Variants in PLCH2 observed in about 807,000 individuals in gnomAD.
PLCH2 encodes the protein 1-phosphatidylinositol 4,5-bisphosphate phosphodiesterase eta-2.
A neutral mutation model predicts 134.7 loss-of-function variants in PLCH2; 98 were observed. The ratio of observed to expected loss-of-function variants is 0.73; its 90% CI spans 0.62 to 0.86. The LOEUF (loss-of-function observed/expected upper bound fraction) is 0.86. PLCH2 is among the 40% of genes least tolerant of loss of function. The pLI is 0.00. For synonymous variants in PLCH2, 974 were observed against 827.5 expected, an observed-to-expected ratio of 1.18 and a Z score of -3.04; for missense variants, 1,994 against 1,986.6, an observed-to-expected ratio of 1.00 and a Z score of -0.07.
chr1:2,480,457 G>A, intron 4 of PLCH2, 145 bp downstream of exon 4: 1 of 943,208 alleles, frequency 1.1e-6, no homozygotes, highest in Non-Finnish European at 1.6e-6. Context: ...TGGCTGCTGA[G>A]GATGGGGCTG....
At position 2,482,682 on chromosome 1, in the gene PLCH2, G is replaced by C. The variant is rs548033152; in HGVS notation, c.646-1766G>C. Among the ~76,000 whole-genome samples the C allele has an allele frequency of 4.6e-5, 7 of 152,250 alleles. 1 individual carries two copies. The East Asian group carries it at 1.2e-3, about 25-fold the overall frequency. On this transcript the variant is annotated intron_variant, in intron 4 of 21. Coordinates refer to ENST00000378486, the MANE Select transcript of PLCH2 (RefSeq NM_014638.4). ...AGGGGCTGATGGGGCCACCTGACTG[G>C]TGACTCCCCTGGCTCAGAGGGGATC...
intron 9 of PLCH2, 120 bp downstream of exon 9, chr1:2,489,498 G>C: frequency 1.9e-6 from 2 of 1,047,544 alleles, no homozygotes; most frequent in Non-Finnish European, 2.8e-6. Context: ...GGGGCTGAGG[G>C]CTGGCCACGC....
chr1:2,447,412 G>C (rs940043757), intron 2 of PLCH2, among the ~76,000 whole-genome samples: 1 of 152,126 alleles, frequency 6.6e-6, no homozygotes, highest in Non-Finnish European at 1.5e-5. Flanking sequence ...CCTTCTCAGG[G>C]CTCCCCCTCC....
chr1:2,460,006 G>C (rs1640735049), intron 2 of PLCH2, among the ~76,000 whole-genome samples: 1 of 152,184 alleles, frequency 6.6e-6, no homozygotes, highest in African/African-American at 2.4e-5. Flanking sequence ...CGAGCACCCT[G>C]AGCTGGGACC....
chr1:2,424,591 C>T (rs1014514280), upstream of PLCH2, among the ~76,000 whole-genome samples: 1 of 152,190 alleles, frequency 6.6e-6, no homozygotes, highest in Non-Finnish European at 1.5e-5. Flanking sequence ...TGGCTCACAG[C>T]TATAATCCCA....
At chr1:2,420,712 C>T in the PLCH2 span, among the ~76,000 whole-genome samples, 12 of 152,238 alleles carry the variant, frequency 7.9e-5, no homozygotes, top group African/African-American at 2.9e-4. Flanking sequence ...ATCTCCTCTT[C>T]AGGCCTCAGG....
rs374566338 is a variant in PLCH2, at chr1:2,478,579, C to A, written c.228C>A (p.Ser76=). 6.2e-7 allele frequency: 1 copy of A among 1,612,204 alleles called. No homozygotes were observed. The highest frequency in any genetic ancestry group is 8.5e-7 in the Non-Finnish European group (1 of 1,179,588). Residue 76 remains serine (S), a synonymous_variant, in exon 2 of 22, where the codon TCC becomes TCA. Coordinates refer to ENST00000378486, the MANE Select transcript of PLCH2 (RefSeq NM_014638.4). ...VRFYYLDEHR[S]CIRWRPSRKN... ...TCTACTACCTGGACGAGCACCGCTC[C>A]TGCATCCGCTGGAGGCCCTCACGCA... is the stretch of plus-strand genomic sequence containing the variant.
At chr1:2,458,857 T>C (rs796961106) in intron 2 of PLCH2, among the ~76,000 whole-genome samples, 4 of 152,296 alleles carry the variant, frequency 2.6e-5, no homozygotes, top group East Asian at 1.9e-4. Context: ...TATGCAACCA[T>C]GGTAAAAAGT....
chr1:2,436,024 TCCCTCCTC>T (rs1639323489), intron 2 of PLCH2, among the ~76,000 whole-genome samples: 7 of 52,070 alleles, frequency 1.3e-4, no homozygotes, highest in Admixed American at 2.4e-4. Flanking sequence ...TCCTCTCTCC[TCCCTCCTC>T]CCCTCCTCCC....
intron 5 of PLCH2, among the ~76,000 whole-genome samples, chr1:2,484,859 G>C (rs373823502): frequency 6.6e-6 from 1 of 152,158 alleles, no homozygotes; most frequent in East Asian, 1.9e-4. Context: ...TACAGGGTGC[G>C]CTCTATGGGG....
chr1:2,445,240 A>G (rs1639887007), intron 2 of PLCH2, among the ~76,000 whole-genome samples: 1 of 152,068 alleles, frequency 6.6e-6, no homozygotes, highest in Non-Finnish European at 1.5e-5. Flanking sequence ...GGGTCCCCAC[A>G]GGCCCCTTCC....
chr1:2,476,820 C>A, intron 1 of PLCH2, 108 bp downstream of exon 1: 2 of 1,135,578 alleles, frequency 1.8e-6, no homozygotes, highest in Non-Finnish European at 2.4e-6. Context: ...TCCATCCCAT[C>A]CTGCACTCGC....
At chr1:2,432,369 C>T (rs555176714) in intron 2 of PLCH2, among the ~76,000 whole-genome samples, 19 of 152,272 alleles carry the variant, frequency 1.2e-4, no homozygotes, top group African/African-American at 4.3e-4. Context: ...GGTTGGGGGC[C>T]GTGGGACAGC....
At chr1:2,457,853 G>A (rs1640570374) in intron 2 of PLCH2, among the ~76,000 whole-genome samples, 2 of 150,432 alleles carry the variant, frequency 1.3e-5, no homozygotes, top group African/African-American at 2.5e-5. Flanking sequence ...TAATGGGCAG[G>A]CTGCTTTCTT....
intron 4 of PLCH2, among the ~76,000 whole-genome samples, chr1:2,484,011 G>GGGCGCTGACTCCCGTGTGGGT (rs1642154531): frequency 1.4e-5 from 2 of 139,720 alleles, no homozygotes; most frequent in African/African-American, 2.7e-5. Flanking sequence ...CCGTGTGGGG[G>GGGCGCTGACTCCCGTGTGGGT]GGCGCTGACT....
Position 2,439,980 on chromosome 1 carries a change from G to A in PLCH2, c.115+9351G>A, listed in dbSNP as rs1639613971. Among the ~76,000 whole-genome samples the A allele has an allele frequency of 6.6e-6, 1 of 152,150 alleles. No homozygotes were observed. The highest frequency in any genetic ancestry group is 2.4e-5 in the African/African-American group (1 of 41,420). On this transcript the variant is annotated intron_variant, in intron 2 of 3. Coordinates refer to the PLCH2 transcript ENST00000609981. This position sits in a 1 kb window ranked among gnomAD's most constrained non-coding sequence, Gnocchi z 4.7. ...CAACCAGGGAGGCTTCCCAGAGGAG[G>A]TGCCTCGTTCCTGACCTTGGAAACC...
chr1:2,504,778 C>G lies in PLCH2; in HGVS notation c.3816C>G (p.Gly1272=), dbSNP rs756386728. The G allele has an allele frequency of 6.2e-7, 1 of 1,612,246 alleles. No homozygotes were observed. Among genetic ancestry groups the G allele is most frequent in the East Asian group, 2.2e-5 (1 of 44,868 alleles). ...ADDFAPSFEG[G]SRRLSHSLGL... ...ACTTTGCCCCTAGCTTTGAGGGCGG[C>G]TCCCGCAGACTGAGCCACAGCCTGG... is the stretch of plus-strand genomic sequence containing the variant. Residue 1272 remains glycine (G), a synonymous_variant, in exon 22 of 22, where the codon GGC becomes GGG. Coordinates refer to ENST00000378486, the MANE Select transcript of PLCH2 (RefSeq NM_014638.4).
chr1:2,455,507 C>T (rs111747592), intron 2 of PLCH2, among the ~76,000 whole-genome samples: 1 of 152,268 alleles, frequency 6.6e-6, no homozygotes, highest in African/African-American at 2.4e-5. Context: ...CTACTGGGGG[C>T]GCAGGGAGGC....
Position 2,505,156 on chromosome 1 carries a change from G to T in PLCH2, c.4194G>T (p.Lys1398Asn). Residue 1398 changes from lysine (K) to asparagine (N), a missense_variant, in exon 22 of 22, where the codon AAG becomes AAT. Around this residue, in one of 2 missense-constraint regions of PLCH2, gnomAD observed 900 missense variants for 752.3 expected, o/e 1.20. Transcript: ENST00000378486. The stretch of plus-strand genomic sequence containing the variant: ...GTGTGGATGCACCAGCACCCTCCAA[G>T]GGAGCCCTCGGGCCAGCATCCGCGG... ...EGSVDAPAPS[K>N]GALGPASAAA... The T allele has an allele frequency of 6.4e-7, 1 of 1,565,372 alleles. No individual in the cohort carries two copies. The highest frequency in any genetic ancestry group is 2.4e-5 in the East Asian group (1 of 42,476).
Sources: allele counts gnomAD v4.1 joint callset (sites outside exome capture counted in the v4.1 genomes callset), GRCh38; gene constraint gnomAD v4.1.1; regional missense constraint gnomAD v4.1.1; non-coding constraint Gnocchi (gnomAD v3.1); transcripts MANE v1.5; gene names NCBI Gene and HGNC (gene_info 2026-07-23, HGNC 2026-07-21).